MYRFL: variants seen among roughly 807,000 people sequenced by gnomAD.
MYRFL encodes myelin regulatory factor like, also known as myelin regulatory factor-like protein.
Under a neutral mutation model 109.4 loss-of-function variants are expected in MYRFL, and 88 were observed. The ratio of observed to expected loss-of-function variants is 0.80; its 90% confidence interval spans 0.68 to 0.96. The LOEUF is 0.96. MYRFL is among the 40% of genes least tolerant of loss of function. MYRFL has a pLI of 0.00. For synonymous variants in MYRFL, 324 were observed against 320.9 expected, an observed-to-expected ratio of 1.01 and a Z score of -0.10; for missense variants, 957 against 954.9, an observed-to-expected ratio of 1.00 and a Z score of -0.03.
intron 2 of MYRFL, among the ~76,000 whole-genome samples, chr12:69,866,629 A>G (rs917702008): frequency 9.2e-5 from 14 of 152,128 alleles, no homozygotes; most frequent in African/African-American, 2.9e-4. Context: ...ATTGCCTACA[A>G]TGTGTGTCTT....
intron 1 of MYRFL, 130 bp from the exon 2 acceptor site, chr12:69,855,150 C>T: frequency 2.1e-6 from 1 of 485,762 alleles, no homozygotes. Flanking sequence ...TGTGCCTCTT[C>T]CATGCTGTTG....
chr12:69,945,965 C>A (rs373265536), intron 19 of MYRFL, among the ~76,000 whole-genome samples: 2 of 89,128 alleles, frequency 2.2e-5, no homozygotes, highest in East Asian at 3.3e-4. Context: ...CCAGCCTGGG[C>A]GACAGAGCGA....
chr12:69,849,268 G>T (rs1171835542), intron 1 of MYRFL, among the ~76,000 whole-genome samples: 1 of 152,208 alleles, frequency 6.6e-6, no homozygotes, highest in Non-Finnish European at 1.5e-5. Context: ...CATTGGAATT[G>T]ATGTTGAATG....
intron 2 of MYRFL, among the ~76,000 whole-genome samples, chr12:69,863,145 G>T (rs535525485): frequency 1.3e-5 from 2 of 151,858 alleles, no homozygotes; most frequent in African/African-American, 2.4e-5. Flanking sequence ...TGCTGGATTC[G>T]GTTTGCCAGT....
intron 22 of MYRFL, among the ~76,000 whole-genome samples, chr12:69,956,447 A>T (rs992883044): frequency 1.3e-5 from 2 of 152,220 alleles, no homozygotes; most frequent in Non-Finnish European, 2.9e-5. Flanking sequence ...TATGGCACTT[A>T]AAGACTTTCC....
chr12:69,949,653 A>ATT (rs35862776), intron 19 of MYRFL, among the ~76,000 whole-genome samples: 1 of 146,238 alleles, frequency 6.8e-6, no homozygotes, highest in African/African-American at 2.5e-5. Context: ...TTTTTTTGTA[A>ATT]TTTTTTTTTT....
chr12:69,918,738 G>A (rs1289686048), intron 13 of MYRFL, among the ~76,000 whole-genome samples: 1 of 152,062 alleles, frequency 6.6e-6, no homozygotes, highest in African/African-American at 2.4e-5. Flanking sequence ...TCTTATGTTA[G>A]CTATTAGGTT....
At chr12:69,850,837 A>T (rs977265727) in intron 1 of MYRFL, among the ~76,000 whole-genome samples, 4 of 151,746 alleles carry the variant, frequency 2.6e-5, no homozygotes, top group African/African-American at 7.3e-5. Flanking sequence ...CTTGTGATTC[A>T]TTCTTGATTG....
At chr12:69,878,608 G>A (rs1401699191) in intron 2 of MYRFL, among the ~76,000 whole-genome samples, 2 of 152,102 alleles carry the variant, frequency 1.3e-5, no homozygotes, top group Non-Finnish European at 2.9e-5. Flanking sequence ...TTAAATATTT[G>A]TCCTTTATAA....
At chr12:69,943,771 T>C (rs11177981) in intron 19 of MYRFL, among the ~76,000 whole-genome samples, 37,496 of 137,236 alleles carry the variant, frequency 0.27, 5,080 homozygotes, top group East Asian at 0.4. Context: ...AGAAAATTTT[T>C]GCAACCTACT....
intron 2 of MYRFL, among the ~76,000 whole-genome samples, chr12:69,870,099 C>CTTTTT (rs754843682): frequency 7.4e-5 from 6 of 81,330 alleles, no homozygotes; most frequent in Admixed American, 1.5e-4. Context: ...ATTTTTCTTC[C>CTTTTT]TTTTTTTTTT....
In MYRFL at chr12:69,936,452, G is replaced by T; in HGVS notation, c.2045-1G>T. The T allele has an allele frequency of 6.5e-7, 1 of 1,534,464 alleles. No individual in the cohort carries two copies. On this transcript the variant is annotated splice_acceptor_variant, in intron 18 of 24. Transcript: ENST00000552032. LOFTEE classifies it high-confidence loss of function. ...CCTCCCCCCTGCCCAATGCCTTGCA[G>T]CACCTAATACATCCCTGGTAACCAC...
At chr12:69,844,589 C>T (rs909008577) in intron 1 of MYRFL, among the ~76,000 whole-genome samples, 10 of 152,220 alleles carry the variant, frequency 6.6e-5, no homozygotes, top group Admixed American at 2.6e-4. Flanking sequence ...CGGCGGGGCA[C>T]GGGGCGGTCG....
chr12:69,849,848 C>T (rs1565968879), intron 1 of MYRFL, among the ~76,000 whole-genome samples: 1 of 152,082 alleles, frequency 6.6e-6, no homozygotes, highest in East Asian at 1.9e-4. Context: ...ATAATCTAAC[C>T]AGTGTTAATG....
intron 10 of MYRFL, among the ~76,000 whole-genome samples, chr12:69,900,276 C>T (rs889651496): frequency 3.3e-5 from 5 of 152,130 alleles, no homozygotes; most frequent in African/African-American, 9.7e-5. Flanking sequence ...CACAGACACA[C>T]GCATTCCTCT....
At chr12:69,897,416 G>A (rs571462588) in intron 10 of MYRFL, among the ~76,000 whole-genome samples, 170 bp downstream of exon 10, 2 of 152,274 alleles carry the variant, frequency 1.3e-5, no homozygotes, top group Admixed American at 6.5e-5. Context: ...GGGCAATTTT[G>A]TTCTCCAAGG....
intron 15 of MYRFL, among the ~76,000 whole-genome samples, chr12:69,931,897 T>C (rs927844154): frequency 6.6e-6 from 1 of 152,238 alleles, no homozygotes; most frequent in Admixed American, 6.5e-5. Flanking sequence ...CTGATTTTCA[T>C]GTCTCCTATA....
At chr12:69,870,105 T>A (rs1376578433) in intron 2 of MYRFL, among the ~76,000 whole-genome samples, 14 of 92,534 alleles carry the variant, frequency 1.5e-4, no homozygotes, top group Non-Finnish European at 2.6e-4. Context: ...CTTCCTTTTT[T>A]TTTTTTTTTT....
At position 69,958,484 on chromosome 12, in the gene MYRFL, A is replaced by G; in HGVS notation, c.2686A>G (p.Ile896Val). Reference sequence around the variant, plus strand: ...TTCAACTGATCCTTATTTTGCTGGGATATTCTTCACCGATTACTTCTTTTA... The same window carrying G: ...TTCAACTGATCCTTATTTTGCTGGGGTATTCTTCACCGATTACTTCTTTTA... ...DCSTDPYFAGIFFTDYFFYFY... is the reference protein window; with the variant it reads ...DCSTDPYFAGVFFTDYFFYFY... The change falls in exon 25 of 25, where the codon ATA becomes GTA. Residue 896 changes from isoleucine to valine, a missense_variant. Transcript: ENST00000552032. The G allele has an allele frequency of 6.5e-7, 1 of 1,534,270 alleles. No individual in the cohort carries two copies. The highest frequency in any genetic ancestry group is 8.7e-7 in the Non-Finnish European group (1 of 1,146,586).
Sources: gnomAD v4.1 joint callset for allele counts (sites outside exome capture counted in the v4.1 genomes callset) on GRCh38, gnomAD v4.1.1 for gene constraint, MANE v1.5 for transcripts, NCBI Gene and HGNC (gene_info 2026-07-23, HGNC 2026-07-21) for gene names.